Variants in SEC16B observed in about 807,000 individuals in gnomAD.
The protein encoded by SEC16B is SEC16 homolog B, endoplasmic reticulum export factor.
A neutral mutation model predicts 141.8 loss-of-function variants in SEC16B; 115 were observed. The observed-to-expected ratio is 0.81, with a 90% confidence interval of 0.70 to 0.95. The LOEUF is 0.95. Ranked by LOEUF, SEC16B falls within the 40% of genes least tolerant of loss-of-function variation. The probability of loss-of-function intolerance (pLI) is 0.00; values close to 1 mark genes in which losing one functional copy is unlikely to be tolerated. For synonymous variants in SEC16B, 493 were observed against 492.5 expected, an observed-to-expected ratio of 1.00 and a Z score of -0.01; for missense variants, 1,291 against 1,312.3, an observed-to-expected ratio of 0.98 and a Z score of 0.25.
rs1571315950 is a variant in SEC16B at position 177,941,974 on chromosome 1, A to G, written c.1948T>C (p.Cys650Arg). 1 of 1,614,060 alleles carries G rather than the reference A, an allele frequency of 6.2e-7. No homozygotes were observed. The highest frequency in any genetic ancestry group is 1.1e-5 in the South Asian group (1 of 91,082). ...YGLVSQALHY[C>R]EAIGAAVLSQ... ...AAGACAGCTGCACCAATGGCTTCGC[A>G]GTAATGCAAAGCCTGGGACACGAGG... The change falls in exon 16 of 26, where the codon TGC becomes CGC. Residue 650 changes from cysteine to arginine, a missense_variant. Around this residue, in one of 3 missense-constraint regions of SEC16B, gnomAD observed 605 missense variants for 614.1 expected, o/e 0.99. Transcript: ENST00000308284.
At position 177,967,717 on chromosome 1, in the gene SEC16B, A is replaced by C. The variant is rs1184181350; in HGVS notation, c.265T>G (p.Tyr89Asp). 6.2e-7 allele frequency: 1 copy of C among 1,609,378 alleles called. No individual in the cohort carries two copies. The highest frequency in any genetic ancestry group is 1.1e-5 in the South Asian group (1 of 90,870). Residue 89 changes from tyrosine (Y) to aspartate (D), a missense_variant, in exon 2 of 26, where the codon TAC becomes GAC. Coordinates refer to ENST00000308284, the MANE Select transcript of SEC16B (RefSeq NM_033127.4). ...WHQPVSGVDY[Y>D]EGGYRNQLYS... ...AACTGATTGCGATAACCACCTTCGT[A>C]ATAGTCAACTCCAGACACAGGCTGA...
At position 177,965,155 on chromosome 1, in the gene SEC16B, C is replaced by T. The variant is rs745630073; in HGVS notation, c.425G>A (p.Arg142Gln). Residue 142 changes from arginine (R) to glutamine (Q), a missense_variant, in exon 4 of 26, where the codon CGG (arginine) becomes CAG (glutamine). Transcript: ENST00000308284. ...ATCTTCGTGCCAGATATAAGGACTCCGTTGCCTTGGCACTGCACCCTCAGA... is the reference window on the plus strand; with the variant it reads ...ATCTTCGTGCCAGATATAAGGACTCTGTTGCCTTGGCACTGCACCCTCAGA... The part of the protein sequence containing the change: ...WLQEERVPRQ[R>Q]SPYIWHEDYR... 8.7e-6 allele frequency: 14 copies of T among 1,613,210 alleles called. No individual in the cohort carries two copies. Among genetic ancestry groups the T allele is most frequent in the East Asian group, 2.2e-5 (1 of 44,878 alleles).
chr1:177,980,944 T>C (rs1386170576), intron 1 of SEC16B, among the ~76,000 whole-genome samples: 1 of 152,046 alleles, frequency 6.6e-6, no homozygotes, highest in Non-Finnish European at 1.5e-5. Flanking sequence ...TGCAGCATCA[T>C]AATGGGTTTT....
Position 177,933,525 on chromosome 1 carries a change from C to A in SEC16B, c.2683G>T (p.Ala895Ser). The A allele has an allele frequency of 6.2e-7, 1 of 1,613,856 alleles. No individual in the cohort carries two copies. The stretch of plus-strand genomic sequence containing the variant: ...CCATCTCCGAGCTTGCCTCTCTGGG[C>A]AGTATTTCGGGGAGAGTTTTTATCA... ...EADKNSPRNT[A>S]QRGKLGDGKE... The change falls in exon 21 of 26, where the codon GCC (alanine) becomes TCC (serine). Residue 895 changes from alanine (A) to serine (S), a missense_variant. Physicochemically the swap from Ala to Ser is moderately conservative, Grantham distance 99. Transcript: ENST00000308284.
chr1:177,931,527 C>T (rs1479099153), intron 24 of SEC16B, among the ~76,000 whole-genome samples: 1 of 152,134 alleles, frequency 6.6e-6, no homozygotes, highest in Non-Finnish European at 1.5e-5. Context: ...TCAGAATTCA[C>T]CACTATATAA....
intron 19 of SEC16B, 52 bp from the exon 20 acceptor site, chr1:177,936,417 T>C (rs1650849425): frequency 2.0e-6 from 3 of 1,491,006 alleles, no homozygotes; most frequent in Non-Finnish European, 2.8e-6. Flanking sequence ...GCTTTTCCCA[T>C]CTATCCTGAA....
intron 5 of SEC16B, among the ~76,000 whole-genome samples, chr1:177,961,944 A>G (rs919859658): frequency 6.6e-5 from 10 of 152,114 alleles, no homozygotes; most frequent in African/African-American, 1.9e-4. Context: ...TTGAATTGAA[A>G]TCTCAGCTTT....
rs1372279015 is a variant in SEC16B, at chr1:177,939,771, C to T, written c.2134G>A (p.Val712Ile). 6.3e-7 allele frequency: 1 copy of T among 1,581,350 alleles called. No individual in the cohort carries two copies. The highest frequency in any genetic ancestry group is 1.8e-5 in the Admixed American group (1 of 55,684). ...AQLRRQLEQK[V>I]AGDIGDPHPT... is the part of the protein sequence containing the mutation. ...TGAGGATCCCCAATGTCTCCTGCTA[C>T]CTTTTGCTATTTAAAATAAAGTAAA... Residue 712 changes from valine (V) to isoleucine (I), a missense_variant, in exon 18 of 26, where the codon GTA (valine) becomes ATA (isoleucine). Val to Ile is a conservative substitution (Grantham distance 29). This residue lies in a region of SEC16B where 605 missense variants were observed against 614.1 expected (regional missense o/e 0.99). Transcript: ENST00000308284.
intron 10 of SEC16B, among the ~76,000 whole-genome samples, chr1:177,954,665 G>T (rs562847531): frequency 6.6e-6 from 1 of 152,074 alleles, no homozygotes; most frequent in South Asian, 2.1e-4. Context: ...CAAAAGTTTC[G>T]TAGCACTTGA....
chr1:177,951,931 T>TC lies in SEC16B; in HGVS notation c.1527dup (p.Ile510AspfsTer93). 6.2e-7 allele frequency: 1 copy of TC among 1,605,664 alleles called. No individual in the cohort carries two copies. The highest frequency in any genetic ancestry group is 8.5e-7 in the Non-Finnish European group (1 of 1,176,548). On this transcript the variant is annotated frameshift_variant, in exon 12 of 26. Transcript: ENST00000308284. LOFTEE classifies it high-confidence loss of function. ...AGGGGTACCGTGGCTGCCTGTGGAA[T>TC]CCTCCCCGACATGAGCTGGAAGAGG...
chr1:177,954,262 G>C lies in SEC16B; in HGVS notation c.1463+17C>G. 6.4e-7 allele frequency: 1 copy of C among 1,551,808 alleles called. No homozygotes were observed. Among genetic ancestry groups the C allele is most frequent in the Admixed American group, 1.9e-5 (1 of 51,502 alleles). On this transcript the variant is annotated intron_variant, in intron 11 of 25. Coordinates refer to ENST00000308284, the MANE Select transcript of SEC16B (RefSeq NM_033127.4). Reference sequence around the variant, plus strand: ...CCTCTCTGCCCCACTGGCCTCTTTTGTTAAGTCCTGACTCACCCACTCATG... The same window carrying C: ...CCTCTCTGCCCCACTGGCCTCTTTTCTTAAGTCCTGACTCACCCACTCATG...
Position 177,932,587 on chromosome 1 carries a change from A to G in SEC16B, c.2933-18T>C, listed in dbSNP as rs770827066. On this transcript the variant is annotated intron_variant, in intron 23 of 25. Coordinates refer to ENST00000308284, the MANE Select transcript of SEC16B (RefSeq NM_033127.4). ...ACCCCCACCTGGAAAGTAATGAGGCAGAGCTGTTTCCTCTGCTCAGGACTG... is the reference window on the plus strand; with the variant it reads ...ACCCCCACCTGGAAAGTAATGAGGCGGAGCTGTTTCCTCTGCTCAGGACTG... 1 of 1,545,508 alleles carries G rather than the reference A, an allele frequency of 6.5e-7. No individual in the cohort carries two copies. Among genetic ancestry groups the G allele is most frequent in the Non-Finnish European group, 8.7e-7 (1 of 1,146,008 alleles).
chr1:177,948,374 C>A, intron 12 of SEC16B: 1 of 1,305,138 alleles, frequency 7.7e-7, no homozygotes, highest in Non-Finnish European at 1.0e-6. Context: ...GAACACGGGC[C>A]TGCTTAATGT....
At chr1:177,962,486 C>G (rs1277578349) in intron 5 of SEC16B, among the ~76,000 whole-genome samples, 3 of 151,890 alleles carry the variant, frequency 2.0e-5, no homozygotes, top group African/African-American at 7.3e-5. Flanking sequence ...CCTGTAATCC[C>G]AGCACTTTGG....
intron 1 of SEC16B, among the ~76,000 whole-genome samples, chr1:177,977,859 G>A (rs533722372): frequency 9.9e-5 from 15 of 152,272 alleles, no homozygotes; most frequent in South Asian, 8.3e-4. Context: ...TAATCTCTAT[G>A]AGCCCATCTT....
At chr1:177,960,234 A>G in intron 8 of SEC16B, 108 bp downstream of exon 8, 2 of 758,190 alleles carry the variant, frequency 2.6e-6, no homozygotes, top group Non-Finnish European at 4.6e-6. Context: ...ACAAGGACAG[A>G]TATTTTTTTC....
intron 24 of SEC16B, 133 bp downstream of exon 24, chr1:177,932,357 C>T: frequency 3.2e-6 from 2 of 623,646 alleles, no homozygotes; most frequent in East Asian, 3.2e-5. Flanking sequence ...GTTATGACAG[C>T]CTGAGCAAAC....
At chr1:177,962,045 T>C (rs947431230) in intron 5 of SEC16B, among the ~76,000 whole-genome samples, 1 of 152,096 alleles carries the variant, frequency 6.6e-6, no homozygotes, top group Non-Finnish European at 1.5e-5. Context: ...ATCTGCCCTA[T>C]ATACTTCAAG....
chr1:177,947,754 A>AGGGACAGGGAGGGGAGGGGAGGG, intron 13 of SEC16B, 71 bp downstream of exon 13: 2 of 393,980 alleles, frequency 5.1e-6, no homozygotes, highest in Non-Finnish European at 4.5e-6. Flanking sequence ...GGAGGTGAGG[A>AGGGACAGGGAGGGGAGGGGAGGG]AAGGGACAGG....
Sources: allele counts gnomAD v4.1 joint callset (sites outside exome capture counted in the v4.1 genomes callset), GRCh38; gene constraint gnomAD v4.1.1; regional missense constraint gnomAD v4.1.1; transcripts MANE v1.5; gene names NCBI Gene and HGNC (gene_info 2026-07-23, HGNC 2026-07-21).